Variants in TLK1 observed in about 807,000 individuals in gnomAD.
TLK1 encodes tousled like kinase 1, also known as serine/threonine-protein kinase tousled-like 1.
In TLK1, 24 loss-of-function variants were observed where a neutral mutation model predicts 105.3. The ratio of observed to expected loss-of-function variants is 0.23; its 90% confidence interval spans 0.17 to 0.32. The LOEUF (loss-of-function observed/expected upper bound fraction) is 0.32. Among genes scored for constraint, TLK1 ranks in the 10% least tolerant of loss-of-function variants. The pLI is 1.00. For synonymous variants in TLK1, 321 were observed against 310.4 expected, an observed-to-expected ratio of 1.03 and a Z score of -0.36; for missense variants, 558 against 910.5, an observed-to-expected ratio of 0.61 and a Z score of 4.98.
intron 12 of TLK1, among the ~76,000 whole-genome samples, chr2:171,016,617 T>G (rs895956465): frequency 1.3e-5 from 2 of 152,176 alleles, no homozygotes; most frequent in Non-Finnish European, 1.5e-5. Flanking sequence ...TAAAAAATTA[T>G]TTACCTCAAA....
chr2:170,995,069 T>A (rs1192530465), intron 20 of TLK1, among the ~76,000 whole-genome samples: 1 of 152,194 alleles, frequency 6.6e-6, no homozygotes, highest in African/African-American at 2.4e-5. Context: ...TAGCTTACTG[T>A]TTATTGGAAG....
chr2:171,095,719 T>G (rs1689425061), intron 2 of TLK1, among the ~76,000 whole-genome samples: 1 of 151,902 alleles, frequency 6.6e-6, no homozygotes, highest in South Asian at 2.1e-4. Context: ...ATTAACAGAA[T>G]GAAGAATAAA....
intron 1 of TLK1, among the ~76,000 whole-genome samples, chr2:171,185,815 T>A (rs1262951231): frequency 1.3e-5 from 2 of 152,228 alleles, no homozygotes; most frequent in African/African-American, 4.8e-5. Flanking sequence ...AATTCCTTAA[T>A]GGCAGAAATT....
intron 1 of TLK1, among the ~76,000 whole-genome samples, chr2:171,216,159 T>A (rs1022238399): frequency 6.6e-6 from 1 of 152,152 alleles, no homozygotes; most frequent in Non-Finnish European, 1.5e-5. Flanking sequence ...GCTCCAGAGT[T>A]GCACACTAAC....
intron 18 of TLK1, among the ~76,000 whole-genome samples, chr2:171,005,428 C>G (rs950647804): frequency 1.3e-5 from 2 of 152,200 alleles, no homozygotes; most frequent in African/African-American, 2.4e-5. Flanking sequence ...CTCCCATTCA[C>G]AGCCAACAAA....
intron 1 of TLK1, among the ~76,000 whole-genome samples, chr2:171,154,727 A>G (rs1009365802): frequency 6.6e-6 from 1 of 152,194 alleles, no homozygotes; most frequent in Non-Finnish European, 1.5e-5. Context: ...TTATTTTAAG[A>G]TTCTTGAAAA....
At chr2:171,184,846 T>A (rs1208537334) in intron 1 of TLK1, among the ~76,000 whole-genome samples, 1 of 143,866 alleles carries the variant, frequency 7.0e-6, no homozygotes, top group Non-Finnish European at 1.5e-5. Flanking sequence ...TGTTTGTTTG[T>A]TTGTTTGTTT....
chr2:171,028,374 C>T lies in TLK1; in HGVS notation c.1201G>A (p.Glu401Lys). The change falls in exon 12 of 21, where the codon GAA becomes AAA. Residue 401 changes from glutamate (E) to lysine (K), a missense_variant. Transcript: ENST00000431350. ...LTLAEYHEQE[E>K]IFKLRLGHLK... ...TGTCCTAGTCTAAGTTTGAAAATTT[C>T]TTCCTGTTCATGATATTCTGCCAAA... The T allele has an allele frequency of 6.2e-7, 1 of 1,611,164 alleles. No individual in the cohort carries two copies. The highest frequency in any genetic ancestry group is 8.5e-7 in the Non-Finnish European group (1 of 1,178,184).
intron 12 of TLK1, among the ~76,000 whole-genome samples, chr2:171,023,380 T>C (rs1213584216): frequency 6.6e-6 from 1 of 151,624 alleles, no homozygotes; most frequent in African/African-American, 2.4e-5. Context: ...CTGGCACTTA[T>C]ATTCAGGGCT....
chr2:171,019,764 G>A (rs1685396933), intron 12 of TLK1, among the ~76,000 whole-genome samples: 2 of 152,156 alleles, frequency 1.3e-5, no homozygotes, highest in Admixed American at 6.5e-5. Flanking sequence ...TTCAGAATGA[G>A]GTTTTAACAC....
chr2:170,991,790 AC>A lies in TLK1; in HGVS notation c.*1989del, dbSNP rs1363976351. On this transcript the variant is annotated 3_prime_UTR_variant, in exon 21 of 21. Coordinates refer to ENST00000431350, the MANE Select transcript of TLK1 (RefSeq NM_012290.5). ...CAGGAATTTAAATGTTACTTTATGA[AC>A]ATAGGACTTTATCATTCATAAAGAC... 1 of 152,214 alleles carries A rather than the reference AC, an allele frequency of 6.6e-6. No individual in the cohort carries two copies. Among genetic ancestry groups the A allele is most frequent in the East Asian group, 1.9e-4 (1 of 5,202 alleles). 9.4% of individuals were successfully genotyped at this position (152,214 alleles called of 1,614,324 possible).
At chr2:171,157,672 C>T (rs1160501533) in intron 1 of TLK1, among the ~76,000 whole-genome samples, 2 of 152,098 alleles carry the variant, frequency 1.3e-5, no homozygotes, top group Non-Finnish European at 2.9e-5. Context: ...ATAATCAGAT[C>T]ATAATCTTAG....
intron 1 of TLK1, among the ~76,000 whole-genome samples, chr2:171,200,221 C>A (rs1485350103): frequency 1.3e-5 from 2 of 152,192 alleles, no homozygotes; most frequent in Non-Finnish European, 2.9e-5. Context: ...TATTTGTCAG[C>A]ATTCCACAGT....
intron 3 of TLK1, among the ~76,000 whole-genome samples, chr2:171,067,838 T>C (rs1031175361): frequency 3.3e-5 from 5 of 152,070 alleles, no homozygotes; most frequent in Admixed American, 6.6e-5. Flanking sequence ...GTTCTCACTG[T>C]TCAACTCCCA....
chr2:171,170,341 AT>A (rs901301033), intron 1 of TLK1, among the ~76,000 whole-genome samples: 1 of 152,238 alleles, frequency 6.6e-6, no homozygotes, highest in Non-Finnish European at 1.5e-5. Context: ...AAAAAGATAA[AT>A]GTCAATAGAT....
At chr2:171,104,477 T>C (rs1195417731) in intron 2 of TLK1, among the ~76,000 whole-genome samples, 1 of 152,090 alleles carries the variant, frequency 6.6e-6, no homozygotes, top group African/African-American at 2.4e-5. Flanking sequence ...AATGACATAC[T>C]ACCAAAAGTG....
chr2:171,144,255 C>A (rs1691705012), intron 1 of TLK1, among the ~76,000 whole-genome samples: 1 of 150,130 alleles, frequency 6.7e-6, no homozygotes, highest in Non-Finnish European at 1.5e-5. Context: ...GGCCCACTTT[C>A]AATAATGAAT....
At chr2:171,172,921 TG>T (rs1450243464) in intron 1 of TLK1, among the ~76,000 whole-genome samples, 1 of 152,212 alleles carries the variant, frequency 6.6e-6, no homozygotes, top group Non-Finnish European at 1.5e-5. Context: ...GTTGATAAAC[TG>T]GTACAAACAT....
intron 12 of TLK1, among the ~76,000 whole-genome samples, chr2:171,015,909 T>C (rs1292024513): frequency 2.0e-5 from 3 of 151,838 alleles, no homozygotes; most frequent in Non-Finnish European, 4.4e-5. Context: ...AGAAACCCCG[T>C]CTCTACTAAA....
Sources: allele counts gnomAD v4.1 joint callset (sites outside exome capture counted in the v4.1 genomes callset), GRCh38; gene constraint gnomAD v4.1.1; transcripts MANE v1.5; gene names NCBI Gene and HGNC (gene_info 2026-07-23, HGNC 2026-07-21).